GABRA4: variants seen among roughly 807,000 people sequenced by gnomAD.
GABRA4 encodes the protein gamma-aminobutyric acid receptor subunit alpha-4.
A neutral mutation model predicts 49.7 loss-of-function variants in GABRA4; 12 were observed. The ratio of observed to expected loss-of-function variants is 0.24; its 90% CI spans 0.15 to 0.39. The LOEUF (loss-of-function observed/expected upper bound fraction) is 0.39, where lower values mean the gene tolerates loss of function less well. Among genes scored for constraint, GABRA4 ranks in the 10% least tolerant of loss-of-function variants. The pLI is 1.00. For missense variants in GABRA4, 506 were observed against 686.0 expected (o/e 0.74, Z 2.93); for synonymous variants, 288 against 240.2 (o/e 1.20, Z -1.84).
intron 8 of GABRA4, among the ~76,000 whole-genome samples, chr4:46,948,194 T>C (rs28517766): frequency 0.15 from 23,304 of 152,046 alleles, 1,987 homozygotes; most frequent in South Asian, 0.25. Flanking sequence ...AGACCTAGAC[T>C]TTGAACCCCA....
At chr4:46,974,818 A>T (rs1031108885) in intron 5 of GABRA4, among the ~76,000 whole-genome samples, 1 of 151,898 alleles carries the variant, frequency 6.6e-6, no homozygotes, top group African/African-American at 2.4e-5. Context: ...CTGTAATAAT[A>T]CAATAACAAA....
chr4:46,979,300 C>T (rs1404210949), intron 2 of GABRA4, among the ~76,000 whole-genome samples: 1 of 152,012 alleles, frequency 6.6e-6, no homozygotes, highest in East Asian at 1.9e-4. Context: ...TACTTACAGG[C>T]AAAAAGAAAC....
chr4:46,974,819 C>A (rs1375867137), intron 5 of GABRA4, among the ~76,000 whole-genome samples: 2 of 151,900 alleles, frequency 1.3e-5, no homozygotes, highest in Non-Finnish European at 2.9e-5. Flanking sequence ...TGTAATAATA[C>A]AATAACAAAA....
intron 2 of GABRA4, among the ~76,000 whole-genome samples, chr4:46,980,641 G>A (rs563698733): frequency 6.6e-6 from 1 of 152,178 alleles, no homozygotes; most frequent in South Asian, 2.1e-4. Flanking sequence ...TACATCTATG[G>A]AAAGCAGAAA....
chr4:46,950,709 CT>C (rs1376119109), intron 8 of GABRA4, among the ~76,000 whole-genome samples: 4 of 68,348 alleles, frequency 5.9e-5, no homozygotes, highest in Non-Finnish European at 1.3e-4. Context: ...TAATGATATT[CT>C]CTAAGAAAAT....
intron 5 of GABRA4, 152 bp downstream of exon 5, chr4:46,976,909 T>TCTCC: frequency 7.5e-6 from 4 of 536,724 alleles, no homozygotes; most frequent in Non-Finnish European, 1.3e-5. Flanking sequence ...TATTATAAAA[T>TCTCC]ATTAGTTAAT....
chr4:46,928,585 T>C lies in GABRA4; in HGVS notation c.1305A>G (p.Pro435=). 1 of 1,613,752 alleles carries C rather than the reference T, an allele frequency of 6.2e-7. No homozygotes were observed. The highest frequency in any genetic ancestry group is 8.5e-7 in the Non-Finnish European group (1 of 1,179,794). ...TTTCAGCTGCATTTGCACGGCTGAA[T>C]GGGTTTGGACTGGAAGCTAAGTAAG... ...PRSYLASSPN[P]FSRANAAETI... is the part of the protein sequence containing the mutation. Residue 435 remains proline (P), a synonymous_variant, in exon 9 of 9, where the codon CCA becomes CCG. Coordinates refer to ENST00000264318, the MANE Select transcript of GABRA4 (RefSeq NM_000809.4).
chr4:46,955,103 C>T (rs76523213), intron 8 of GABRA4, among the ~76,000 whole-genome samples: 3,915 of 152,182 alleles, frequency 0.026, 71 homozygotes, highest in Non-Finnish European at 0.043. Context: ...ATACATTTCA[C>T]AGCTTCTTCA....
intron 2 of GABRA4, among the ~76,000 whole-genome samples, chr4:46,990,480 C>A (rs1016445477): frequency 6.6e-6 from 1 of 152,166 alleles, no homozygotes; most frequent in Non-Finnish European, 1.5e-5. Context: ...CTGGGCACAT[C>A]TTATTTTAAC....
chr4:46,934,983 T>C (rs1721559756), intron 8 of GABRA4, among the ~76,000 whole-genome samples: 1 of 152,208 alleles, frequency 6.6e-6, no homozygotes, highest in African/African-American at 2.4e-5. Flanking sequence ...CTCCACTCAC[T>C]TCCTCTAAAT....
intron 8 of GABRA4, among the ~76,000 whole-genome samples, chr4:46,932,309 G>C (rs1050673928): frequency 6.6e-6 from 1 of 152,114 alleles, no homozygotes; most frequent in African/African-American, 2.4e-5. Context: ...GTAGAGAAAA[G>C]TAAGAACAGA....
chr4:46,935,735 T>TGCA (rs1395142988), intron 8 of GABRA4, among the ~76,000 whole-genome samples: 2 of 152,018 alleles, frequency 1.3e-5, no homozygotes, highest in Non-Finnish European at 2.9e-5. Flanking sequence ...GGTTGATGGG[T>TGCA]GCAGCACGCC....
chr4:46,953,052 G>A (rs114801766), intron 8 of GABRA4, among the ~76,000 whole-genome samples: 1,661 of 152,100 alleles, frequency 0.011, 26 homozygotes, highest in African/African-American at 0.038. Context: ...GGGAAGTGAC[G>A]GAGTAAATGG....
Position 46,993,551 on chromosome 4 carries a change from G to T in GABRA4, c.-127C>A. 1.0e-6 allele frequency: 1 copy of T among 992,760 alleles called. No individual in the cohort carries two copies. 61.5% of individuals were successfully genotyped at this position (992,760 alleles called of 1,614,324 possible). On this transcript the variant is annotated 5_prime_UTR_variant, in exon 1 of 9. Transcript: ENST00000264318. ...CACACTCGCGCTCACACTCGCCCGCGCTCAGCCAGCCCGAGCCGCGGTGGG... is the reference window on the plus strand; with the variant it reads ...CACACTCGCGCTCACACTCGCCCGCTCTCAGCCAGCCCGAGCCGCGGTGGG...
intron 2 of GABRA4, among the ~76,000 whole-genome samples, chr4:46,980,862 A>G (rs546920537): frequency 5.3e-5 from 8 of 152,230 alleles, no homozygotes; most frequent in African/African-American, 1.9e-4. Context: ...GACAATTGCC[A>G]GAGTATTAAA....
At chr4:46,972,881 A>T (rs750056923) in intron 6 of GABRA4, among the ~76,000 whole-genome samples, 1 of 151,706 alleles carries the variant, frequency 6.6e-6, no homozygotes, top group Non-Finnish European at 1.5e-5. Context: ...AACAAAAAAA[A>T]ACTTTGTTAC....
chr4:46,953,400 C>T (rs1438343302), intron 8 of GABRA4, among the ~76,000 whole-genome samples: 1 of 152,068 alleles, frequency 6.6e-6, no homozygotes, highest in Non-Finnish European at 1.5e-5. Context: ...ACCTCCTAAA[C>T]TTCTTGGAAA....
intron 2 of GABRA4, among the ~76,000 whole-genome samples, chr4:46,989,099 A>G (rs1486463427): frequency 6.6e-6 from 1 of 152,238 alleles, no homozygotes; most frequent in Non-Finnish European, 1.5e-5. Flanking sequence ...AAGATGATTC[A>G]AAGGCAGTGA....
At chr4:46,981,201 C>T (rs1723345143) in intron 2 of GABRA4, among the ~76,000 whole-genome samples, 1 of 151,976 alleles carries the variant, frequency 6.6e-6, no homozygotes, top group South Asian at 2.1e-4. Context: ...ACACCATGTG[C>T]TATAAAATAT....
Sources: gnomAD v4.1 joint callset for allele counts (sites outside exome capture counted in the v4.1 genomes callset) on GRCh38, gnomAD v4.1.1 for gene constraint, MANE v1.5 for transcripts, NCBI Gene and HGNC (gene_info 2026-07-23, HGNC 2026-07-21) for gene names.